SPTA1: variants seen among roughly 807,000 people sequenced by gnomAD.
SPTA1 encodes the protein spectrin alpha, erythrocytic 1.
A neutral mutation model predicts 324.7 loss-of-function variants in SPTA1; 177 were observed. The ratio of observed to expected loss-of-function variants is 0.55; its 90% CI spans 0.48 to 0.62. The LOEUF is 0.62. Ranked by LOEUF, SPTA1 falls within the 20% of genes least tolerant of loss-of-function variation. The probability of loss-of-function intolerance (pLI) is 0.00; values close to 1 mark genes in which losing one functional copy is unlikely to be tolerated. For missense variants in SPTA1, 3,162 were observed against 2,883.6 expected, an observed-to-expected ratio of 1.10 and a Z score of -2.21; for synonymous variants, 1,195 against 1,041.3, an observed-to-expected ratio of 1.15 and a Z score of -2.84.
chr1:158,632,083 T>C (rs1489294775), intron 39 of SPTA1, among the ~76,000 whole-genome samples: 3 of 152,174 alleles, frequency 2.0e-5, no homozygotes, highest in African/African-American at 7.2e-5. Flanking sequence ...AAAAATGTGG[T>C]ATATTCATTC....
Position 158,623,027 on chromosome 1 carries a change from C to T in SPTA1, c.6076G>A (p.Val2026Ile). The T allele has an allele frequency of 6.2e-7, 1 of 1,614,220 alleles. No individual in the cohort carries two copies. Among genetic ancestry groups the T allele is most frequent in the Non-Finnish European group, 8.5e-7 (1 of 1,180,042 alleles). ...TTCTCCAGCAATTTCTGTCTGTGGACTGCCGAGGCTTCCAGCAACTGTTCC... is the reference window on the plus strand; with the variant it reads ...TTCTCCAGCAATTTCTGTCTGTGGATTGCCGAGGCTTCCAGCAACTGTTCC... ...RWEQLLEASA[V>I]HRQKLLEKQL... is the part of the protein sequence containing the mutation. Residue 2026 changes from valine (V) to isoleucine (I), a missense_variant, in exon 43 of 52, where the codon GTC becomes ATC. Physicochemically the swap from Val to Ile is conservative, Grantham distance 29. Coordinates refer to ENST00000643759, the MANE Select transcript of SPTA1 (RefSeq NM_003126.4).
Position 158,653,404 on chromosome 1 carries a change from C to A in SPTA1, c.3058G>T (p.Ala1020Ser). 6.2e-7 allele frequency: 1 copy of A among 1,614,072 alleles called. No individual in the cohort carries two copies. Among genetic ancestry groups the A allele is most frequent in the South Asian group, 1.1e-5 (1 of 91,078 alleles). Residue 1020 changes from alanine (A) to serine (S), a missense_variant, in exon 22 of 52, where the codon GCT becomes TCT. Physicochemically the swap from Ala to Ser is moderately conservative, Grantham distance 99. Coordinates refer to ENST00000643759, the MANE Select transcript of SPTA1 (RefSeq NM_003126.4). ...GCTGGGACAATGCCCTGATGATCAG[C>A]AGCTTCCACCTTCCACCAGTCCTGA... is the stretch of plus-strand genomic sequence containing the variant. Reference protein sequence around the residue: ...INKDWWKVEAADHQGIVPAVY... With the variant: ...INKDWWKVEASDHQGIVPAVY...
chr1:158,659,595 A>ATTATTATTTTTTTTTT, intron 18 of SPTA1, among the ~76,000 whole-genome samples: 1 of 68,780 alleles, frequency 1.5e-5, no homozygotes, highest in South Asian at 9.1e-4. Flanking sequence ...TCTTAGCATT[A>ATTATTATTTTTTTTTT]TTTTTTTTTT....
chr1:158,678,422 G>T lies in SPTA1; in HGVS notation c.791C>A (p.Ala264Glu), dbSNP rs746343051. The T allele has an allele frequency of 5.5e-5, 89 of 1,613,566 alleles. 2 individuals carry two copies. The South Asian group carries it at 9.2e-4, about 17-fold the overall frequency. The part of the protein sequence containing the change: ...LQRQKALSNA[A>E]NLQRFKRDVT... ...ATACCTTTTGAATCGTTGTAAGTTTGCAGCATTGGACAGAGCTTTCTGTCT... is the reference window on the plus strand; with the variant it reads ...ATACCTTTTGAATCGTTGTAAGTTTTCAGCATTGGACAGAGCTTTCTGTCT... Residue 264 changes from alanine (A) to glutamate (E), a missense_variant, in exon 6 of 52, where the codon GCA becomes GAA. Ala to Glu is a moderately radical substitution (Grantham distance 107, BLOSUM62 -1). Coordinates refer to ENST00000643759, the MANE Select transcript of SPTA1 (RefSeq NM_003126.4).
In SPTA1 at chr1:158,623,106, T is replaced by A. The variant is rs539669652; in HGVS notation, c.5997A>T (p.Gln1999His). The change falls in exon 43 of 52, where the codon CAA becomes CAT. Residue 1999 changes from glutamine (Q) to histidine (H), a missense_variant. Gln to His is a conservative substitution (Grantham distance 24). Coordinates refer to ENST00000643759, the MANE Select transcript of SPTA1 (RefSeq NM_003126.4). The part of the protein sequence containing the change: ...TDLKDKLISA[Q>H]HNQSKAIEER... ...CTTCAATGGCTTTAGACTGGTTGTGTTGAGCAGAAATCAGTTTGTCCTTCA... is the reference window on the plus strand; with the variant it reads ...CTTCAATGGCTTTAGACTGGTTGTGATGAGCAGAAATCAGTTTGTCCTTCA... The A allele has an allele frequency of 5.0e-6, 8 of 1,614,046 alleles. No individual in the cohort carries two copies. Among genetic ancestry groups the A allele is most frequent in the Non-Finnish European group, 6.8e-6 (8 of 1,180,038 alleles).
chr1:158,674,763 ATG>A (rs1284395113), intron 8 of SPTA1, 88 bp from the exon 9 acceptor site: 3 of 1,520,942 alleles, frequency 2.0e-6, no homozygotes, highest in Non-Finnish European at 2.7e-6. Flanking sequence ...GTGAGGTAAG[ATG>A]TGTGAGATGC....
At position 158,642,207 on chromosome 1, in the gene SPTA1, C is replaced by T. The variant is rs185428869; in HGVS notation, c.4737+204G>A. Among the ~76,000 whole-genome samples the T allele has an allele frequency of 5.1e-4, 77 of 151,796 alleles. 1 individual carries two copies. The highest frequency in any genetic ancestry group is 3.4e-3 in the Middle Eastern group (1 of 294). ...ATAGCATTAGGAGATATACCTAATGCTAAATGACAAGTTAATGGGTGCAGC... is the reference window on the plus strand; with the variant it reads ...ATAGCATTAGGAGATATACCTAATGTTAAATGACAAGTTAATGGGTGCAGC... On this transcript the variant is annotated intron_variant, in intron 33 of 51. Transcript: ENST00000643759.
In SPTA1 at chr1:158,669,550, C is replaced by G; in HGVS notation, c.1691G>C (p.Arg564Pro). Residue 564 changes from arginine to proline, a missense_variant, in exon 14 of 52, where the codon CGG becomes CCG. Arg to Pro is a moderately radical substitution (Grantham distance 103, BLOSUM62 -2). Coordinates refer to ENST00000643759, the MANE Select transcript of SPTA1 (RefSeq NM_003126.4). Reference protein sequence around the residue: ...KAIRDGLLARRDALREKAATR... With the variant: ...KAIRDGLLARPDALREKAATR... ...GGCAGCCTTTTCACGTAGGGCATCC[C>G]GCCGGGCTAACAGCTGCAAAAACCA... is the stretch of plus-strand genomic sequence containing the variant. 6.2e-7 allele frequency: 1 copy of G among 1,614,074 alleles called. No homozygotes were observed. The highest frequency in any genetic ancestry group is 8.5e-7 in the Non-Finnish European group (1 of 1,179,996).
At chr1:158,671,939 T>C (rs1320578032) in intron 11 of SPTA1, 120 bp downstream of exon 11, 14 of 1,297,552 alleles carry the variant, frequency 1.1e-5, no homozygotes, top group South Asian at 2.4e-5. Context: ...GATCACCCTT[T>C]AGTTCCCAAG....
chr1:158,662,751 C>T lies in SPTA1; in HGVS notation c.2415G>A (p.Glu805=). The change falls in exon 17 of 52, where the codon GAG becomes GAA. Residue 805 remains glutamate, a synonymous_variant. Transcript: ENST00000643759. The stretch of plus-strand genomic sequence containing the variant: ...GTTCAGTCTCTTGGATCCAGGCCTC[C>T]TCATCCTCTGTGTCTCTACAAATCA... ...LQLICRDTED[E]EAWIQETEPS... 3 of 1,614,030 alleles carry T rather than the reference C, an allele frequency of 1.9e-6. No homozygotes were observed. Among genetic ancestry groups the T allele is most frequent in the East Asian group, 2.2e-5 (1 of 44,866 alleles).
In SPTA1 at chr1:158,672,686, A is replaced by T. The variant is rs375386164; in HGVS notation, c.1351-490T>A. On this transcript the variant is annotated intron_variant, in intron 10 of 51. Coordinates refer to ENST00000643759, the MANE Select transcript of SPTA1 (RefSeq NM_003126.4). ...TTTATTCCCAAAACAAATAAAAACC[A>T]TCAGGGAAAGAGAGAAGAGACATTC... Among the ~76,000 whole-genome samples, 28 of 152,350 alleles carry T rather than the reference A, an allele frequency of 1.8e-4. No homozygotes were observed. The South Asian group carries it at 5.2e-3, about 28-fold the overall frequency.
chr1:158,617,764 C>A (rs1571375132), intron 46 of SPTA1, among the ~76,000 whole-genome samples, 176 bp from the exon 47 acceptor site: 1 of 152,182 alleles, frequency 6.6e-6, no homozygotes, highest in South Asian at 2.1e-4. Flanking sequence ...GAAGGGAAGA[C>A]TTTCCCTAGT....
Position 158,643,304 on chromosome 1 carries a change from C to T in SPTA1, c.4442+18G>A, listed in dbSNP as rs1226524902. 2 of 1,613,468 alleles carry T rather than the reference C, an allele frequency of 1.2e-6. No individual in the cohort carries two copies. The highest frequency in any genetic ancestry group is 3.3e-5 in the Admixed American group (2 of 59,944). ...CTATATCTTCCTTTGGCACATAAAA[C>T]AATCACTCAGGCCTGACCTGTCTAG... On this transcript the variant is annotated intron_variant, in intron 31 of 51. Transcript: ENST00000643759.
In SPTA1 at chr1:158,649,956, G is replaced by A. The variant is rs779193183; in HGVS notation, c.3478-9C>T. The A allele has an allele frequency of 1.9e-6, 3 of 1,600,558 alleles. No homozygotes were observed. The highest frequency in any genetic ancestry group is 2.6e-6 in the Non-Finnish European group (3 of 1,168,818). ...CAGCGGGAATTCAATTCCTAAAAGA[G>A]GCAAAAACATCAGACTTGAGACAGA... On this transcript the variant is annotated splice_polypyrimidine_tract_variant and intron_variant, in intron 24 of 51. Coordinates refer to ENST00000643759, the MANE Select transcript of SPTA1 (RefSeq NM_003126.4).
At position 158,659,831 on chromosome 1, in the gene SPTA1, C is replaced by CG. The variant is rs1483145797; in HGVS notation, c.2587+1455dup. On this transcript the variant is annotated intron_variant, in intron 18 of 51. Transcript: ENST00000643759. ...TTCACCTTGTTAGCCAGGATGGTCT[C>CG]GATCTCCTGACCTCATGATCCACTC... Among the ~76,000 whole-genome samples the CG allele has an allele frequency of 8.0e-5, 5 of 62,870 alleles. 2 individuals carry two copies. The East Asian group carries it at 2.9e-3, about 36-fold the overall frequency. The allele number at this position is 62,870 out of a possible 152,430, so 41.2% of individuals were successfully genotyped here.
Position 158,657,460 on chromosome 1 carries a change from A to AGCC in SPTA1, c.2805+16_2805+17insGGC. On this transcript the variant is annotated intron_variant, in intron 19 of 51. Transcript: ENST00000643759. The stretch of plus-strand genomic sequence containing the variant: ...GTTTGTTGAGGATTCACAATGTTAA[A>AGCC]CCCACCCCCACCTTACCCCAGCTGC... 1.3e-6 allele frequency: 2 copies of AGCC among 1,495,598 alleles called. No individual in the cohort carries two copies. Among genetic ancestry groups the AGCC allele is most frequent in the Non-Finnish European group, 1.9e-6 (2 of 1,077,584 alleles). 92.6% of individuals were successfully genotyped at this position (1,495,598 alleles called of 1,614,324 possible).
At chr1:158,613,034 G>C in intron 50 of SPTA1, 73 bp from the exon 51 acceptor site, 1 of 1,532,044 alleles carries the variant, frequency 6.5e-7, no homozygotes, top group Non-Finnish European at 9.0e-7. Flanking sequence ...ATCCTACTCA[G>C]TGTCTCAGAA....
chr1:158,658,964 G>A (rs1653016580), intron 18 of SPTA1, among the ~76,000 whole-genome samples: 1 of 152,006 alleles, frequency 6.6e-6, no homozygotes, highest in Non-Finnish European at 1.5e-5. Flanking sequence ...GAGAATTTAT[G>A]GATAGAAGAC....
At chr1:158,630,586 T>C (rs1650605159) in intron 39 of SPTA1, among the ~76,000 whole-genome samples, 1 of 151,828 alleles carries the variant, frequency 6.6e-6, no homozygotes, top group Non-Finnish European at 1.5e-5. Flanking sequence ...TTGGCAATGA[T>C]TACATAAATA....
Sources: allele counts gnomAD v4.1 joint callset (sites outside exome capture counted in the v4.1 genomes callset), GRCh38; gene constraint gnomAD v4.1.1; transcripts MANE v1.5; gene names NCBI Gene and HGNC (gene_info 2026-07-23, HGNC 2026-07-21).